The following CDH13 variants were observed in gnomAD, a reference collection of about 807,000 sequenced individuals.
The protein encoded by CDH13 is cadherin 13, also known as cadherin-13.
CDH13 carries 24 observed loss-of-function variants against 63.8 expected under a neutral mutation model. That is an observed-to-expected ratio of 0.38 (90% CI 0.27 to 0.53). CDH13 has a LOEUF of 0.53. Ranked by LOEUF, CDH13 falls within the 20% of genes least tolerant of loss-of-function variation. The probability of loss-of-function intolerance (pLI) is 0.85; values close to 1 mark genes in which losing one functional copy is unlikely to be tolerated. For missense variants in CDH13, 1,049 were observed against 903.1 expected (o/e 1.16, Z -2.07); for synonymous variants, 503 against 355.3 (o/e 1.42, Z -4.67).
intron 2 of CDH13, among the ~76,000 whole-genome samples, chr16:83,010,042 GGAGAATCACTT>G (rs1223593469): frequency 2.0e-5 from 3 of 148,216 alleles, no homozygotes; most frequent in Admixed American, 6.9e-5. Context: ...GGCTGAGGCA[GGAGAATCACTT>G]CAACCCAGGA....
chr16:83,034,610 G>GT (rs1204815757), intron 3 of CDH13, among the ~76,000 whole-genome samples: 2 of 152,224 alleles, frequency 1.3e-5, no homozygotes, highest in African/African-American at 4.8e-5. Flanking sequence ...AAATGGTATG[G>GT]TGAGGGGGTT....
At chr16:82,735,391 A>G (rs1567480040) in intron 1 of CDH13, among the ~76,000 whole-genome samples, 1 of 152,206 alleles carries the variant, frequency 6.6e-6, no homozygotes, top group Non-Finnish European at 1.5e-5. Context: ...CCCTGCAGTG[A>G]CTGTGCTATT....
chr16:83,016,375 A>G (rs1380852490), intron 2 of CDH13, among the ~76,000 whole-genome samples: 1 of 152,244 alleles, frequency 6.6e-6, no homozygotes, highest in Non-Finnish European at 1.5e-5. Flanking sequence ...TTAATTGGTT[A>G]CAACCAAAAG....
At chr16:82,885,131 A>G (rs1290700941) in intron 2 of CDH13, among the ~76,000 whole-genome samples, 2 of 152,332 alleles carry the variant, frequency 1.3e-5, no homozygotes, top group Middle Eastern at 3.4e-3. Context: ...GCACTTTTGC[A>G]AGAGATGGAT....
intron 6 of CDH13, among the ~76,000 whole-genome samples, chr16:83,390,274 G>A (rs1432943224): frequency 6.6e-6 from 1 of 152,108 alleles, no homozygotes; most frequent in Non-Finnish European, 1.5e-5. Context: ...AGCAGTATCT[G>A]CTTTCCTAGT....
intron 11 of CDH13, among the ~76,000 whole-genome samples, chr16:83,777,117 C>T (rs1915172863): frequency 6.6e-6 from 1 of 152,206 alleles, no homozygotes; most frequent in South Asian, 2.1e-4. Flanking sequence ...ACACATCATG[C>T]CTCTCTTCAT....
intron 3 of CDH13, among the ~76,000 whole-genome samples, chr16:83,050,730 C>T (rs545075488): frequency 2.6e-5 from 4 of 152,240 alleles, no homozygotes; most frequent in South Asian, 2.1e-4. Context: ...ACTTGCCTCT[C>T]GGGGTTAACT....
At chr16:82,980,304 T>C (rs919026908) in intron 2 of CDH13, among the ~76,000 whole-genome samples, 1 of 152,158 alleles carries the variant, frequency 6.6e-6, no homozygotes, top group Non-Finnish European at 1.5e-5. Flanking sequence ...GTTTTGTCTG[T>C]TGGTCAAAAC....
At chr16:82,694,233 C>G (rs2029980551) in intron 1 of CDH13, among the ~76,000 whole-genome samples, 1 of 152,192 alleles carries the variant, frequency 6.6e-6, no homozygotes, top group Non-Finnish European at 1.5e-5. Flanking sequence ...GGAAATGGCT[C>G]AGCCTTCTGT....
intron 7 of CDH13, among the ~76,000 whole-genome samples, chr16:83,523,938 C>A (rs1444433866): frequency 1.3e-5 from 2 of 152,142 alleles, no homozygotes; most frequent in Non-Finnish European, 2.9e-5. Context: ...CTGCACCAGC[C>A]CAGATGGAGA....
At chr16:83,301,455 C>G (rs1262686968) in intron 5 of CDH13, among the ~76,000 whole-genome samples, 1 of 152,156 alleles carries the variant, frequency 6.6e-6, no homozygotes, top group Non-Finnish European at 1.5e-5. Flanking sequence ...AATGATGGAG[C>G]TCATCATTTC....
intron 7 of CDH13, among the ~76,000 whole-genome samples, chr16:83,569,408 C>T (rs987538668): frequency 2.0e-5 from 3 of 152,234 alleles, no homozygotes; most frequent in Non-Finnish European, 4.4e-5. Flanking sequence ...GTTCCCCTTC[C>T]TTGGGGAGTA....
chr16:83,445,537 G>A (rs993795551), intron 6 of CDH13, among the ~76,000 whole-genome samples: 4 of 152,152 alleles, frequency 2.6e-5, no homozygotes, highest in African/African-American at 4.8e-5. Flanking sequence ...GCCTCCCACA[G>A]CTGCGTTAGT....
intron 2 of CDH13, among the ~76,000 whole-genome samples, chr16:82,931,672 A>G (rs1231862665): frequency 2.6e-5 from 4 of 152,206 alleles, no homozygotes; most frequent in African/African-American, 7.2e-5. Flanking sequence ...CCTCACAATC[A>G]TGGCAGAAGG....
chr16:82,986,193 G>A (rs1455034936), intron 2 of CDH13, among the ~76,000 whole-genome samples: 1 of 152,214 alleles, frequency 6.6e-6, no homozygotes, highest in Admixed American at 6.5e-5. Flanking sequence ...CAGGCACTCT[G>A]TAGAGATCAA....
rs35753725 is a variant in CDH13, at chr16:83,666,987, C to CTGGATGGA, written c.1102-3767_1102-3760dup. Among the ~76,000 whole-genome samples the CTGGATGGA allele has an allele frequency of 2.2e-3, 318 of 144,578 alleles. 1 individual carries two copies. The highest frequency in any genetic ancestry group is 5.5e-3 in the African/African-American group (215 of 39,256). 94.8% of individuals were successfully genotyped at this position (144,578 alleles called of 152,430 possible). The stretch of plus-strand genomic sequence containing the variant: ...GTCTGTTTTGTTTAGTGGTGTAACC[C>CTGGATGGA]TGGATGGATGGATGGATGGATGGAT... On this transcript the variant is annotated intron_variant, in intron 8 of 13. Coordinates refer to ENST00000567109, the MANE Select transcript of CDH13 (RefSeq NM_001257.5).
intron 6 of CDH13, among the ~76,000 whole-genome samples, chr16:83,431,817 G>T (rs1044083278): frequency 6.6e-6 from 1 of 152,072 alleles, no homozygotes; most frequent in Non-Finnish European, 1.5e-5. Context: ...ATCGCCTCCC[G>T]CCAGGCCCCA....
chr16:83,041,853 T>A (rs991584858), intron 3 of CDH13, among the ~76,000 whole-genome samples: 2 of 152,240 alleles, frequency 1.3e-5, no homozygotes, highest in African/African-American at 4.8e-5. Flanking sequence ...ACACATTTAA[T>A]AAAACAAATG....
intron 2 of CDH13, among the ~76,000 whole-genome samples, chr16:82,882,191 T>C (rs2040727140): frequency 6.6e-6 from 1 of 152,190 alleles, no homozygotes; most frequent in Non-Finnish European, 1.5e-5. Flanking sequence ...ATGGTGTGAA[T>C]AAAGCACACA....
Sources: gnomAD v4.1 joint callset for allele counts (sites outside exome capture counted in the v4.1 genomes callset) on GRCh38, gnomAD v4.1.1 for gene constraint, MANE v1.5 for transcripts, NCBI Gene and HGNC (gene_info 2026-07-23, HGNC 2026-07-21) for gene names.